The following CLASP2 variants were observed in gnomAD, a reference collection of about 807,000 sequenced individuals.
CLASP2 encodes the protein CLIP-associating protein 2.
A neutral mutation model predicts 194.4 loss-of-function variants in CLASP2; 47 were observed. The ratio of observed to expected loss-of-function variants is 0.24; its 90% CI spans 0.19 to 0.31. The LOEUF is 0.31. Ranked by LOEUF, CLASP2 falls within the 10% of genes least tolerant of loss-of-function variation. The probability of loss-of-function intolerance (pLI) is 1.00; values close to 1 mark genes in which losing one functional copy is unlikely to be tolerated. For missense variants in CLASP2, 1,445 were observed against 1,823.6 expected, an observed-to-expected ratio of 0.79 and a Z score of 3.78; for synonymous variants, 619 against 633.5, an observed-to-expected ratio of 0.98 and a Z score of 0.34.
chr3:33,594,974 TAAG>T lies in CLASP2; in HGVS notation c.1949-9_1949-7del. The T allele has an allele frequency of 7.0e-7, 1 of 1,430,868 alleles. No homozygotes were observed. Among genetic ancestry groups the T allele is most frequent in the South Asian group, 1.5e-5 (1 of 67,572 alleles). 88.6% of individuals were successfully genotyped at this position (1,430,868 alleles called of 1,614,324 possible). A position where few individuals can be genotyped will look rare whatever the true frequency, so the allele number is the denominator to read the frequency against. On this transcript the variant is annotated splice_region_variant and splice_polypyrimidine_tract_variant and intron_variant, in intron 19 of 38. Coordinates refer to ENST00000682230, the MANE Select transcript of CLASP2 (RefSeq NM_001365631.1). Reference sequence around the variant, plus strand: ...ACCATCTTCAGATGCTGTTCCTAAATAAGAAAAATAAAACAACATTTCAACAAA... The same window carrying T: ...ACCATCTTCAGATGCTGTTCCTAAATAAAAATAAAACAACATTTCAACAAA...
At position 33,549,938 on chromosome 3, in the gene CLASP2, C is replaced by T. The variant is rs1481027484; in HGVS notation, c.3153+1314G>A. 4.6e-5 allele frequency among the ~76,000 whole-genome samples: 7 copies of T among 151,768 alleles called. No homozygotes were observed. The East Asian group carries it at 5.8e-4, about 13-fold the overall frequency. ...TTTTAGCAGAGACAGGGTTTCTCCACGTTGCTCAGGCTGGGCTCAAGCTCC... is the reference window on the plus strand; with the variant it reads ...TTTTAGCAGAGACAGGGTTTCTCCATGTTGCTCAGGCTGGGCTCAAGCTCC... On this transcript the variant is annotated intron_variant, in intron 30 of 38. Transcript: ENST00000682230.
chr3:33,531,691 T>G (rs1337179525), intron 34 of CLASP2, among the ~76,000 whole-genome samples: 1 of 151,982 alleles, frequency 6.6e-6, no homozygotes, highest in Non-Finnish European at 1.5e-5. Flanking sequence ...AGGAGAATTG[T>G]TTGAACCTGG....
chr3:33,663,895 GT>G (rs1048660305), intron 6 of CLASP2, among the ~76,000 whole-genome samples: 1 of 152,036 alleles, frequency 6.6e-6, no homozygotes, highest in African/African-American at 2.4e-5. Context: ...TCATGCCAAA[GT>G]AACTTAAGGC....
intron 1 of CLASP2, among the ~76,000 whole-genome samples, chr3:33,701,810 AT>A (rs1311615351): frequency 6.6e-6 from 1 of 152,254 alleles, no homozygotes; most frequent in East Asian, 1.9e-4. Context: ...ATTTACAAAA[AT>A]CAACTCAAAA....
intron 1 of CLASP2, among the ~76,000 whole-genome samples, chr3:33,716,720 T>C (rs1327580805): frequency 1.3e-5 from 2 of 152,236 alleles, no homozygotes; most frequent in African/African-American, 4.8e-5. Context: ...AGAGATGGTA[T>C]GTAATGAAGC....
At chr3:33,612,148 A>C (rs2075304042) in intron 12 of CLASP2, 77 bp from the exon 13 acceptor site, 1 of 869,742 alleles carries the variant, frequency 1.1e-6, no homozygotes, top group Non-Finnish European at 1.9e-6. Context: ...CCTTACATTC[A>C]AGTATTTAGT....
rs116764632 is a variant in CLASP2, at chr3:33,667,946, G to A, written c.645-4431C>T. On this transcript the variant is annotated intron_variant, in intron 6 of 38. Transcript: ENST00000682230. ...TTAAAACTATTTGACCTCACTGGGC[G>A]CAGTGGCCCACACCTGTAATCCCAG... is the stretch of plus-strand genomic sequence containing the variant. Among the ~76,000 whole-genome samples, 1,299 of 152,214 alleles carry A rather than the reference G, an allele frequency of 8.5e-3. 21 individuals are homozygous for A. The highest frequency in any genetic ancestry group is 0.028 in the African/African-American group (1,175 of 41,524).
chr3:33,698,484 A>C (rs2154351917), intron 1 of CLASP2, among the ~76,000 whole-genome samples: 1 of 152,332 alleles, frequency 6.6e-6, no homozygotes, highest in Non-Finnish European at 1.5e-5. Flanking sequence ...AGCAAGCATG[A>C]AATAAGAAGC....
rs182047482 is a variant in CLASP2 at position 33,681,022 on chromosome 3, G to A, written c.644+3337C>T. Among the ~76,000 whole-genome samples, 206 of 150,826 alleles carry A rather than the reference G, an allele frequency of 1.4e-3. 1 individual carries two copies. Among genetic ancestry groups the A allele is most frequent in the African/African-American group, 4.6e-3 (189 of 41,178 alleles). Reference sequence around the variant, plus strand: ...TGCCTGTAATCCCAGCTACTCAGGAGGCTGAGGCAGGAGAATTGCTTGAAC... The same window carrying A: ...TGCCTGTAATCCCAGCTACTCAGGAAGCTGAGGCAGGAGAATTGCTTGAAC... On this transcript the variant is annotated intron_variant, in intron 6 of 38. Transcript: ENST00000682230.
intron 1 of CLASP2, among the ~76,000 whole-genome samples, chr3:33,707,114 G>C (rs2092723487): frequency 6.6e-6 from 1 of 152,154 alleles, no homozygotes; most frequent in African/African-American, 2.4e-5. Flanking sequence ...AAAAGATCAA[G>C]AGCTTCTTGG....
At chr3:33,577,256 G>T in intron 23 of CLASP2, 1 of 1,598,032 alleles carries the variant, frequency 6.3e-7, no homozygotes, top group Non-Finnish European at 8.5e-7. Flanking sequence ...CTGGAATGGT[G>T]TCTGGAGGCT....
chr3:33,604,507 T>A (rs2073254547), intron 16 of CLASP2, among the ~76,000 whole-genome samples: 1 of 152,060 alleles, frequency 6.6e-6, no homozygotes, highest in Non-Finnish European at 1.5e-5. Flanking sequence ...TTAATAGAGA[T>A]CGGGTTTCCC....
intron 32 of CLASP2, among the ~76,000 whole-genome samples, chr3:33,541,251 T>A (rs964423505): frequency 1.3e-5 from 2 of 152,048 alleles, no homozygotes; most frequent in African/African-American, 4.8e-5. Context: ...TAAATGCCCA[T>A]CAGTGATAGA....
intron 24 of CLASP2, among the ~76,000 whole-genome samples, chr3:33,574,117 G>T (rs1334456487): frequency 2.0e-5 from 3 of 152,060 alleles, no homozygotes; most frequent in African/African-American, 4.8e-5. Context: ...AAATGAGAAA[G>T]AATAGTTTAT....
intron 34 of CLASP2, among the ~76,000 whole-genome samples, chr3:33,525,506 C>T (rs983427135): frequency 6.6e-6 from 1 of 152,054 alleles, no homozygotes; most frequent in African/African-American, 2.4e-5. Flanking sequence ...TAGAGAGCAA[C>T]ACCGAGCCAG....
At chr3:33,638,169 G>A (rs1423898890) in intron 8 of CLASP2, among the ~76,000 whole-genome samples, 1 of 152,162 alleles carries the variant, frequency 6.6e-6, no homozygotes, top group Non-Finnish European at 1.5e-5. Context: ...GTAATACGTG[G>A]AAGGGTACAT....
chr3:33,602,369 T>C (rs1013500647), intron 18 of CLASP2: 37 of 608,412 alleles, frequency 6.1e-5, no homozygotes, highest in African/African-American at 3.7e-4. Flanking sequence ...ACCTGTATTG[T>C]GTTCTGGCGA....
intron 25 of CLASP2, among the ~76,000 whole-genome samples, chr3:33,571,015 ATTT>A (rs1027731514): frequency 2.4e-5 from 3 of 123,916 alleles, no homozygotes; most frequent in Admixed American, 9.3e-5. Context: ...GTCTCTATAA[ATTT>A]TTTTTTTTTT....
At chr3:33,665,179 G>T (rs2085978337) in intron 6 of CLASP2, among the ~76,000 whole-genome samples, 1 of 151,796 alleles carries the variant, frequency 6.6e-6, no homozygotes, top group Admixed American at 6.6e-5. Flanking sequence ...GACATGAAGG[G>T]GCATAACATT....
Sources: gnomAD v4.1 joint callset for allele counts (sites outside exome capture counted in the v4.1 genomes callset) on GRCh38, gnomAD v4.1.1 for gene constraint, MANE v1.5 for transcripts, NCBI Gene and HGNC (gene_info 2026-07-23, HGNC 2026-07-21) for gene names.